MFF: variants seen among roughly 807,000 people sequenced by gnomAD.
MFF encodes chromosome 2 open reading frame 33.
A neutral mutation model predicts 36.9 loss-of-function variants in MFF; 12 were observed. The observed-to-expected ratio is 0.33, with a 90% CI of 0.21 to 0.53. The LOEUF is 0.53. MFF is among the 20% of genes least tolerant of loss of function. The pLI, the probability that MFF is intolerant of heterozygous loss-of-function variation, is 0.95. For synonymous variants in MFF, 99 were observed against 126.2 expected (o/e 0.78, Z 1.44); for missense variants, 348 against 366.6 (o/e 0.95, Z 0.42).
At chr2:227,354,179 C>T (rs1030598830) in intron 7 of MFF, among the ~76,000 whole-genome samples, 19 of 152,168 alleles carry the variant, frequency 1.2e-4, no homozygotes, top group Admixed American at 1.0e-3. Context: ...AGAGTCAGTA[C>T]ACACCATCTA....
At chr2:227,342,820 G>A (rs745416315) in intron 5 of MFF, 19 of 1,612,356 alleles carry the variant, frequency 1.2e-5, no homozygotes, top group East Asian at 2.2e-5. Flanking sequence ...CGGAGTACAC[G>A]TAAGATTTTA....
chr2:227,344,773 C>T (rs1265022757), intron 5 of MFF, among the ~76,000 whole-genome samples: 1 of 150,904 alleles, frequency 6.6e-6, no homozygotes, highest in Admixed American at 6.6e-5. Context: ...TGGAGGATTG[C>T]CATACACATG....
intron 5 of MFF, among the ~76,000 whole-genome samples, chr2:227,342,083 T>C (rs1574950002): frequency 6.6e-6 from 1 of 152,070 alleles, no homozygotes; most frequent in East Asian, 1.9e-4. Context: ...TACTTGATTT[T>C]CTTTTTTTTT....
rs1490212747 is a variant in MFF at position 227,352,404 on chromosome 2, A to T, written c.600-110A>T. On this transcript the variant is annotated intron_variant, in intron 6 of 8. Coordinates refer to ENST00000304593, the MANE Select transcript of MFF (RefSeq NM_001277062.2). ...GAGAGATATTATATTGTATTGAAATATACAATATAATCCTATTTGACATTT... is the reference window on the plus strand; with the variant it reads ...GAGAGATATTATATTGTATTGAAATTTACAATATAATCCTATTTGACATTT... The T allele has an allele frequency of 5.0e-6, 4 of 801,586 alleles. No individual in the cohort carries two copies. The Admixed American group carries it at 7.8e-5, about 16-fold the overall frequency. The allele number at this position is 801,586 out of a possible 1,614,324, so 49.7% of individuals were successfully genotyped here.
At chr2:227,335,811 G>A (rs1428846934) in intron 4 of MFF, among the ~76,000 whole-genome samples, 5 of 152,176 alleles carry the variant, frequency 3.3e-5, no homozygotes, top group African/African-American at 1.2e-4. Context: ...AGGCTTGGCT[G>A]GAAGAGAGGA....
intron 1 of MFF, among the ~76,000 whole-genome samples, chr2:227,326,279 A>G (rs2074119245): frequency 1.3e-5 from 2 of 150,540 alleles, no homozygotes; most frequent in African/African-American, 4.9e-5. Flanking sequence ...AACCATTTGT[A>G]TTCAGGCCTC....
Position 227,357,598 on chromosome 2 carries a change from G to A in MFF, c.*481G>A, listed in dbSNP as rs940191727. ...CTTTCAAAGTCATGGTCTGGTGCCAGATTTAAGAAACTCGAACCACCTAAT... is the reference window on the plus strand; with the variant it reads ...CTTTCAAAGTCATGGTCTGGTGCCAAATTTAAGAAACTCGAACCACCTAAT... On this transcript the variant is annotated 3_prime_UTR_variant, in exon 9 of 9. Coordinates refer to ENST00000304593, the MANE Select transcript of MFF (RefSeq NM_001277062.2). 6.5e-6 allele frequency: 1 copy of A among 153,940 alleles called. No individual in the cohort carries two copies. The highest frequency in any genetic ancestry group is 1.4e-5 in the Non-Finnish European group (1 of 69,096). 9.5% of individuals were successfully genotyped at this position (153,940 alleles called of 1,614,324 possible). A position where few individuals can be genotyped will look rare whatever the true frequency, so the allele number is the denominator to read the frequency against.
chr2:227,348,317 C>A (rs1382728515), intron 6 of MFF, among the ~76,000 whole-genome samples: 1 of 152,168 alleles, frequency 6.6e-6, no homozygotes, highest in African/African-American at 2.4e-5. Flanking sequence ...AGTCCTCACA[C>A]AGGCCCTGGG....
chr2:227,352,427 T>A (rs779291310), intron 6 of MFF, 87 bp from the exon 7 acceptor site: 1 of 913,018 alleles, frequency 1.1e-6, no homozygotes, highest in Non-Finnish European at 1.8e-6. Flanking sequence ...CTATTTGACA[T>A]TTATTTGTCT....
intron 7 of MFF, among the ~76,000 whole-genome samples, chr2:227,353,429 AG>A (rs2076101274): frequency 6.6e-6 from 1 of 152,228 alleles, no homozygotes; most frequent in Non-Finnish European, 1.5e-5. Context: ...GCAAGAGAAA[AG>A]GGAAGCATTA....
chr2:227,328,307 AAAAAAAAAAAAAAC>A (rs1249793820), intron 1 of MFF, among the ~76,000 whole-genome samples: 2 of 146,764 alleles, frequency 1.4e-5, no homozygotes, highest in Admixed American at 7.0e-5. Flanking sequence ...AAAAAAAAAA[AAAAAAAAAAAAAAC>A]CAATTCATTT....
intron 8 of MFF, among the ~76,000 whole-genome samples, chr2:227,356,631 T>C (rs1459543811): frequency 6.6e-6 from 1 of 152,168 alleles, no homozygotes; most frequent in Non-Finnish European, 1.5e-5. Context: ...GAGTCCCGTA[T>C]TCTTTCTGCT....
intron 7 of MFF, among the ~76,000 whole-genome samples, chr2:227,353,422 A>G (rs2076100588): frequency 6.6e-6 from 1 of 152,238 alleles, no homozygotes; most frequent in African/African-American, 2.4e-5. Context: ...CATTGAAGCA[A>G]GAGAAAAGGG....
chr2:227,346,339 A>G (rs2075711903), intron 5 of MFF: 1 of 167,056 alleles, frequency 6.0e-6, no homozygotes, highest in African/African-American at 2.4e-5. Flanking sequence ...ATACCTCACA[A>G]TAGATAATCA....
intron 5 of MFF, among the ~76,000 whole-genome samples, chr2:227,342,298 CTGT>C (rs1470950898): frequency 1.3e-5 from 2 of 152,018 alleles, no homozygotes; most frequent in Non-Finnish European, 1.5e-5. Context: ...TCTTTTCCTA[CTGT>C]TGTTAATTTT....
chr2:227,345,213 T>C (rs1327762173), intron 5 of MFF, among the ~76,000 whole-genome samples: 2 of 152,210 alleles, frequency 1.3e-5, no homozygotes, highest in African/African-American at 4.8e-5. Context: ...TTATTGTTTG[T>C]TTCTGGCAAA....
intron 5 of MFF, chr2:227,346,093 CTA>C (rs2075696005): frequency 6.2e-6 from 1 of 161,026 alleles, no homozygotes; most frequent in Non-Finnish European, 1.5e-5. Context: ...ATGACTATAA[CTA>C]TCCTGTCAAA....
intron 7 of MFF, 117 bp downstream of exon 7, chr2:227,352,690 T>C: frequency 1.2e-6 from 1 of 822,630 alleles, no homozygotes; most frequent in Non-Finnish European, 2.1e-6. Flanking sequence ...TTTCTACAGC[T>C]TTCCTCGATG....
chr2:227,330,223 A>G, intron 2 of MFF: 1 of 175,442 alleles, frequency 5.7e-6, no homozygotes, highest in Non-Finnish European at 1.2e-5. Context: ...GTAATTTTTA[A>G]TTTTATATTT....
Sources: gnomAD v4.1 joint callset for allele counts (sites outside exome capture counted in the v4.1 genomes callset) on GRCh38, gnomAD v4.1.1 for gene constraint, MANE v1.5 for transcripts, NCBI Gene and HGNC (gene_info 2026-07-23, HGNC 2026-07-21) for gene names.